Variants in UNC5C observed in about 807,000 individuals in gnomAD.
UNC5C encodes the protein netrin receptor UNC5C.
Under a neutral mutation model 99.8 loss-of-function variants are expected in UNC5C, and 47 were observed. That is an observed-to-expected ratio of 0.47 (90% CI 0.37 to 0.60). The LOEUF is 0.60. Among genes scored for constraint, UNC5C ranks in the 20% least tolerant of loss-of-function variants. The pLI, the probability that UNC5C is intolerant of heterozygous loss-of-function variation, is 0.00. For synonymous variants in UNC5C, 487 were observed against 452.2 expected, an observed-to-expected ratio of 1.08 and a Z score of -0.98; for missense variants, 1,062 against 1,165.9, an observed-to-expected ratio of 0.91 and a Z score of 1.30.
intron 1 of UNC5C, among the ~76,000 whole-genome samples, chr4:95,475,650 A>G (rs907139511): frequency 2.6e-5 from 4 of 152,106 alleles, no homozygotes; most frequent in African/African-American, 9.7e-5. Flanking sequence ...AATTAAGTCC[A>G]TTGCCCCTTT....
chr4:95,275,902 C>T (rs76252342), intron 4 of UNC5C, among the ~76,000 whole-genome samples: 2,555 of 152,266 alleles, frequency 0.017, 63 homozygotes, highest in African/African-American at 0.053. Context: ...TCCAGTCTGG[C>T]CTCATCTCCC....
intron 1 of UNC5C, among the ~76,000 whole-genome samples, chr4:95,377,464 G>A (rs1744931886): frequency 6.6e-6 from 1 of 152,282 alleles, no homozygotes; most frequent in South Asian, 2.1e-4. Context: ...ATTGGGTGAA[G>A]ATTTATGGCA....
Position 95,540,555 on chromosome 4 carries a change from A to G in UNC5C, c.124+8179T>C, listed in dbSNP as rs187347217. Among the ~76,000 whole-genome samples the G allele has an allele frequency of 4.2e-3, 646 of 152,310 alleles. 4 individuals are homozygous for G. The highest frequency in any genetic ancestry group is 0.015 in the African/African-American group (608 of 41,568). ...TTACAGAGGAGATCCAGAAGGAAAA[A>G]GGAAAGTTGCTAAATAAAATGACAG... is the stretch of plus-strand genomic sequence containing the variant. On this transcript the variant is annotated intron_variant, in intron 1 of 15. Coordinates refer to ENST00000453304, the MANE Select transcript of UNC5C (RefSeq NM_003728.4).
At chr4:95,372,000 T>C (rs1295977581) in intron 1 of UNC5C, among the ~76,000 whole-genome samples, 2 of 152,196 alleles carry the variant, frequency 1.3e-5, no homozygotes, top group Non-Finnish European at 2.9e-5. Flanking sequence ...CACTGTTTCC[T>C]ATCAATTGCC....
chr4:95,441,056 TAG>T (rs1746937142), intron 1 of UNC5C, among the ~76,000 whole-genome samples: 2 of 152,096 alleles, frequency 1.3e-5, no homozygotes, highest in Admixed American at 6.5e-5. Flanking sequence ...TCATTGGAAA[TAG>T]AGTCTATATA....
At chr4:95,547,376 C>G (rs962448598) in intron 1 of UNC5C, among the ~76,000 whole-genome samples, 1 of 152,156 alleles carries the variant, frequency 6.6e-6, no homozygotes, top group Admixed American at 6.5e-5. Flanking sequence ...GCGCTCTCCT[C>G]CGCTTCCAAC....
rs142912978 is a variant in UNC5C, at chr4:95,169,360, G to A, written c.2670C>T (p.Gly890=). 9.6e-4 allele frequency: 1,542 copies of A among 1,614,186 alleles called. 4 individuals carry two copies. The African/African-American group carries it at 0.012, about 13-fold the overall frequency. Residue 890 remains glycine (G), a synonymous_variant, in exon 16 of 16, where the codon GGC becomes GGT. Transcript: ENST00000453304. ...GTGCTTCCCAAAGATCCAGGATTAC[G>A]CCAGTTGGGCTGGATTTGGTGGCAA... ...NYFATKSSPT[G]VILDLWEAQN...
chr4:95,242,515 G>C lies in UNC5C; in HGVS notation c.1022C>G (p.Thr341Arg), dbSNP rs775796452. 6.2e-7 allele frequency: 1 copy of C among 1,613,038 alleles called. No homozygotes were observed. Among genetic ancestry groups the C allele is most frequent in the African/African-American group, 1.3e-5 (1 of 74,994 alleles). The change falls in exon 7 of 16, where the codon ACG becomes AGG. Residue 341 changes from threonine (T) to arginine (R), a missense_variant. Transcript: ENST00000453304. Reference sequence around the variant, plus strand: ...GCCTCCATTCTTGGGGGCTGGCGCCGTGCACTCCCTCCTGCGCCAGTGGGT... The same window carrying C: ...GCCTCCATTCTTGGGGGCTGGCGCCCTGCACTCCCTCCTGCGCCAGTGGGT... Reference protein sequence around the residue: ...ECTHWRRRECTAPAPKNGGKD... With the variant: ...ECTHWRRRECRAPAPKNGGKD...
At chr4:95,446,932 T>G (rs974069063) in intron 1 of UNC5C, among the ~76,000 whole-genome samples, 2 of 152,318 alleles carry the variant, frequency 1.3e-5, no homozygotes, top group African/African-American at 4.8e-5. Context: ...TCTCTATCAT[T>G]CCCTATGCAC....
At chr4:95,526,635 C>G (rs1239726941) in intron 1 of UNC5C, among the ~76,000 whole-genome samples, 1 of 151,752 alleles carries the variant, frequency 6.6e-6, no homozygotes, top group Admixed American at 6.6e-5. Flanking sequence ...CAAATTAAAT[C>G]CCAGAGTATT....
intron 1 of UNC5C, among the ~76,000 whole-genome samples, chr4:95,523,532 T>C (rs1722415446): frequency 6.6e-6 from 1 of 152,104 alleles, no homozygotes; most frequent in Admixed American, 6.5e-5. Flanking sequence ...ATTAGGGGTA[T>C]AGCTTGTGAA....
At chr4:95,321,827 A>G (rs1742704385) in intron 2 of UNC5C, among the ~76,000 whole-genome samples, 1 of 152,230 alleles carries the variant, frequency 6.6e-6, no homozygotes, top group South Asian at 2.1e-4. Context: ...ATCTTGTGAC[A>G]TTATCAGATT....
chr4:95,369,588 C>T (rs1014093193), intron 1 of UNC5C, among the ~76,000 whole-genome samples: 1 of 151,990 alleles, frequency 6.6e-6, no homozygotes, highest in Non-Finnish European at 1.5e-5. Flanking sequence ...CCAAATATTC[C>T]AAGTGTACTA....
At chr4:95,421,136 A>G (rs778166043) in intron 1 of UNC5C, among the ~76,000 whole-genome samples, 30 of 152,196 alleles carry the variant, frequency 2.0e-4, no homozygotes, top group Non-Finnish European at 4.0e-4. Context: ...AGTCATTTCT[A>G]TCCAAACAAA....
At chr4:95,181,483 C>G (rs948450459) in intron 14 of UNC5C, among the ~76,000 whole-genome samples, 4 of 152,124 alleles carry the variant, frequency 2.6e-5, no homozygotes, top group Non-Finnish European at 5.9e-5. Flanking sequence ...CCCTCACCCC[C>G]CTCCAAAATT....
chr4:95,235,700 A>G (rs1321025594), intron 7 of UNC5C, among the ~76,000 whole-genome samples: 1 of 152,194 alleles, frequency 6.6e-6, no homozygotes, highest in African/African-American at 2.4e-5. Context: ...CTTTCTACAT[A>G]TGGCTAGCCA....
At chr4:95,205,519 T>C (rs1737844104) in intron 11 of UNC5C, among the ~76,000 whole-genome samples, 1 of 152,174 alleles carries the variant, frequency 6.6e-6, no homozygotes, top group South Asian at 2.1e-4. Context: ...TCTAATACTA[T>C]ATTTTCTTAA....
At chr4:95,517,727 T>A (rs567911612) in intron 1 of UNC5C, among the ~76,000 whole-genome samples, 1 of 152,304 alleles carries the variant, frequency 6.6e-6, no homozygotes, top group Non-Finnish European at 1.5e-5. Context: ...AAGAGACATC[T>A]GGTCATTTTG....
chr4:95,176,579 TGAG>T (rs1438971295), intron 14 of UNC5C, among the ~76,000 whole-genome samples: 3 of 152,036 alleles, frequency 2.0e-5, no homozygotes, highest in African/African-American at 7.3e-5. Flanking sequence ...GGGACCCACT[TGAG>T]GAGGCAGTCT....
Sources: gnomAD v4.1 joint callset for allele counts (sites outside exome capture counted in the v4.1 genomes callset) on GRCh38, gnomAD v4.1.1 for gene constraint, MANE v1.5 for transcripts, NCBI Gene and HGNC (gene_info 2026-07-23, HGNC 2026-07-21) for gene names.